AOAH: variants seen among roughly 807,000 people sequenced by gnomAD.
The protein encoded by AOAH is acyloxyacyl hydrolase.
In AOAH, 64 loss-of-function variants were observed where a neutral mutation model predicts 92.2. The observed-to-expected ratio is 0.69, with a 90% CI of 0.57 to 0.86. The LOEUF (loss-of-function observed/expected upper bound fraction) is 0.86, where lower values mean the gene tolerates loss of function less well. Ranked by LOEUF, AOAH falls within the 40% of genes least tolerant of loss-of-function variation. The probability of loss-of-function intolerance (pLI) is 0.00; values close to 1 mark genes in which losing one functional copy is unlikely to be tolerated. For missense variants in AOAH, 656 were observed against 694.6 expected (o/e 0.94, Z 0.62); for synonymous variants, 263 against 254.5 (o/e 1.03, Z -0.32).
chr7:36,532,887 T>G (rs1784784231), intron 16 of AOAH, among the ~76,000 whole-genome samples: 1 of 152,096 alleles, frequency 6.6e-6, no homozygotes, highest in Non-Finnish European at 1.5e-5. Context: ...TCCCTGCAGT[T>G]GGTGAACTGA....
At chr7:36,608,661 G>A (rs957668841) in intron 11 of AOAH, among the ~76,000 whole-genome samples, 1 of 152,160 alleles carries the variant, frequency 6.6e-6, no homozygotes, top group Non-Finnish European at 1.5e-5. Context: ...GTCAATGTCC[G>A]AGACTATTCT....
intron 1 of AOAH, chr7:36,690,237 T>A (rs966460666): frequency 2.2e-5 from 10 of 451,852 alleles, no homozygotes; most frequent in Middle Eastern, 3.3e-4. Flanking sequence ...TATCTGTCTC[T>A]GAACACTGGG....
At chr7:36,611,633 A>C (rs1295318840) in intron 11 of AOAH, among the ~76,000 whole-genome samples, 1 of 152,126 alleles carries the variant, frequency 6.6e-6, no homozygotes, top group Non-Finnish European at 1.5e-5. Flanking sequence ...TCCTGGAGAA[A>C]GTGTGGGCCC....
intron 2 of AOAH, among the ~76,000 whole-genome samples, chr7:36,675,725 A>G (rs1482760911): frequency 6.6e-6 from 1 of 152,248 alleles, no homozygotes; most frequent in Non-Finnish European, 1.5e-5. Context: ...TCTCATGAAT[A>G]TAACCACAAA....
intron 6 of AOAH, among the ~76,000 whole-genome samples, chr7:36,630,091 C>T (rs12701517): frequency 0.81 from 123,980 of 152,178 alleles, 50,778 homozygotes; most frequent in Non-Finnish European, 0.86. Flanking sequence ...GGTATGCCAA[C>T]GCCTCACGGC....
At position 36,614,609 on chromosome 7, in the gene AOAH, T is replaced by C. The variant is rs1454079677; in HGVS notation, c.846+1771A>G. On this transcript the variant is annotated intron_variant, in intron 11 of 20. Transcript: ENST00000617537. The surrounding 1 kb of genome is among the most constrained non-coding windows in gnomAD (Gnocchi z 4.2). ...CTTCTCCTTCTTGCCCTGCGACTGC[T>C]GCACCCTCCAACAAAGTGGCAATTA... is the stretch of plus-strand genomic sequence containing the variant. Among the ~76,000 whole-genome samples, 1 of 152,150 alleles carries C rather than the reference T, an allele frequency of 6.6e-6. No individual in the cohort carries two copies. The highest frequency in any genetic ancestry group is 1.5e-5 in the Non-Finnish European group (1 of 68,018).
intron 4 of AOAH, among the ~76,000 whole-genome samples, chr7:36,648,589 C>T (rs1794378907): frequency 6.7e-6 from 1 of 149,798 alleles, no homozygotes; most frequent in Admixed American, 6.6e-5. Context: ...ACTTTTCAAT[C>T]ACAAATTACA....
At position 36,678,595 on chromosome 7, in the gene AOAH, GT is replaced by G. The variant is rs1405882407; in HGVS notation, c.224-4587del. 3.6e-5 allele frequency among the ~76,000 whole-genome samples: 5 copies of G among 138,874 alleles called. No individual in the cohort carries two copies. The East Asian group carries it at 1.1e-3, about 31-fold the overall frequency. The allele number at this position is 138,874 out of a possible 152,430, so 91.1% of individuals were successfully genotyped here. A position where few individuals can be genotyped will look rare whatever the true frequency, so the allele number is the denominator to read the frequency against. ...TGTGTGTGTGTGTGTGTGTGTGTGT[GT>G]GTGTGCGCGCGCGCGCGCGTTAGAA... On this transcript the variant is annotated intron_variant, in intron 2 of 20. Coordinates refer to ENST00000617537, the MANE Select transcript of AOAH (RefSeq NM_001637.4).
rs569607671 is a variant in AOAH, at chr7:36,635,482, TGTC to T, written c.450+2366_450+2368del. On this transcript the variant is annotated intron_variant, in intron 5 of 20. Transcript: ENST00000617537. ...GTGTGGCAAAGTGCTTTTCAACCCT[TGTC>T]GTGTATTATATTACCTGGGTTTAAT... 3.8e-3 allele frequency among the ~76,000 whole-genome samples: 575 copies of T among 152,288 alleles called. 2 individuals are homozygous for T. Among genetic ancestry groups the T allele is most frequent in the Non-Finnish European group, 5.9e-3 (398 of 68,020 alleles).
At chr7:36,713,909 T>A (rs1027195983) in intron 1 of AOAH, among the ~76,000 whole-genome samples, 3 of 151,892 alleles carry the variant, frequency 2.0e-5, no homozygotes, top group African/African-American at 4.8e-5. Flanking sequence ...ACATCACAAT[T>A]AAAAGAACTA....
intron 3 of AOAH, among the ~76,000 whole-genome samples, chr7:36,666,809 A>G (rs1367258838): frequency 6.6e-6 from 1 of 152,052 alleles, no homozygotes. Context: ...ATTTCTTTTG[A>G]GATTTCTTCT....
At chr7:36,651,764 T>C (rs532541334) in intron 4 of AOAH, among the ~76,000 whole-genome samples, 43 of 152,320 alleles carry the variant, frequency 2.8e-4, no homozygotes, top group African/African-American at 9.1e-4. Context: ...TTATGAGCTT[T>C]GAGTAAAGGC....
chr7:36,520,463 T>G (rs562782764), intron 20 of AOAH, among the ~76,000 whole-genome samples: 2 of 152,300 alleles, frequency 1.3e-5, no homozygotes, highest in East Asian at 3.9e-4. Flanking sequence ...CCCAGCACTT[T>G]GGGAGGCTGA....
intron 1 of AOAH, among the ~76,000 whole-genome samples, chr7:36,687,818 C>A (rs1049418408): frequency 2.6e-5 from 4 of 152,148 alleles, no homozygotes; most frequent in African/African-American, 9.7e-5. Flanking sequence ...AAATTCCCAG[C>A]AGGATTCCTT....
chr7:36,637,803 G>C, intron 5 of AOAH, 48 bp downstream of exon 5: 1 of 1,566,100 alleles, frequency 6.4e-7, no homozygotes, highest in Non-Finnish European at 8.8e-7. Context: ...GCCAGTGAGA[G>C]AGGACATGCC....
Position 36,722,935 on chromosome 7 carries a change from G to GAAAAAAAAAAAAAAAAAA in AOAH, c.127+1069_127+1086dup. ...GGTGACAGTGCGATAATCCATCTCA[G>GAAAAAAAAAAAAAAAAAA]AAAAAAAAAAAAAAAAAAAAAAAAA... is the stretch of plus-strand genomic sequence containing the variant. On this transcript the variant is annotated intron_variant, in intron 1 of 20. Transcript: ENST00000617537. Among the ~76,000 whole-genome samples, 2 of 49,462 alleles carry GAAAAAAAAAAAAAAAAAA rather than the reference G, an allele frequency of 4.0e-5. 1 individual carries two copies. The highest frequency in any genetic ancestry group is 7.2e-5 in the Non-Finnish European group (2 of 27,706). The allele number at this position is 49,462 out of a possible 152,430, so 32.4% of individuals were successfully genotyped here.
chr7:36,517,158 C>CTT lies in AOAH; in HGVS notation c.1600-3780_1600-3779dup, dbSNP rs760462124. 8.5e-3 allele frequency among the ~76,000 whole-genome samples: 320 copies of CTT among 37,454 alleles called. 4 individuals are homozygous for CTT. The highest frequency in any genetic ancestry group is 0.075 in the Admixed American group (258 of 3,426). 24.6% of individuals were successfully genotyped at this position (37,454 alleles called of 152,430 possible). ...CTTTCCTCTCTTTATCCATGTTAGT[C>CTT]TTTCTTTCTTTCTTTCTTTCTTTCT... On this transcript the variant is annotated intron_variant, in intron 20 of 20. Transcript: ENST00000617537.
intron 20 of AOAH, among the ~76,000 whole-genome samples, chr7:36,521,652 T>G (rs1173105454): frequency 1.3e-5 from 2 of 151,952 alleles, no homozygotes; most frequent in East Asian, 3.9e-4. Flanking sequence ...CAAAAAATCC[T>G]CGTCATTTTC....
At chr7:36,515,483 A>C (rs1160555665) in intron 20 of AOAH, among the ~76,000 whole-genome samples, 1 of 106,274 alleles carries the variant, frequency 9.4e-6, no homozygotes, top group African/African-American at 3.8e-5. Flanking sequence ...ACAACCCCAC[A>C]CCACACACAT....
Sources: allele counts gnomAD v4.1 joint callset (sites outside exome capture counted in the v4.1 genomes callset), GRCh38; gene constraint gnomAD v4.1.1; non-coding constraint Gnocchi (gnomAD v3.1); transcripts MANE v1.5; gene names NCBI Gene and HGNC (gene_info 2026-07-23, HGNC 2026-07-21).